The following PIP5K1B variants were observed in gnomAD, a reference collection of about 807,000 sequenced individuals.
The protein encoded by PIP5K1B is phosphatidylinositol-4-phosphate 5-kinase type 1 beta.
PIP5K1B carries 42 observed loss-of-function variants against 67.0 expected under a neutral mutation model. The observed-to-expected ratio is 0.63, with a 90% CI of 0.49 to 0.81. The LOEUF is 0.81. Among genes scored for constraint, PIP5K1B ranks in the 30% least tolerant of loss-of-function variants. The pLI is 0.00. For missense variants in PIP5K1B, 459 were observed against 646.3 expected (o/e 0.71, Z 3.14); for synonymous variants, 214 against 231.4 (o/e 0.92, Z 0.68).
intron 7 of PIP5K1B, among the ~76,000 whole-genome samples, chr9:68,891,218 C>A (rs1210053537): frequency 2.0e-5 from 3 of 152,190 alleles, no homozygotes; most frequent in Non-Finnish European, 4.4e-5. Context: ...CCACTGTACT[C>A]CAGCCTGGGA....
chr9:68,819,095 T>C (rs1015511951), intron 3 of PIP5K1B, among the ~76,000 whole-genome samples: 1 of 152,182 alleles, frequency 6.6e-6, no homozygotes, highest in African/African-American at 2.4e-5. Flanking sequence ...TCATTTTTAG[T>C]ACAGTTTAGT....
chr9:68,915,957 G>T lies in PIP5K1B; in HGVS notation c.772-1591G>T, dbSNP rs371883575. On this transcript the variant is annotated intron_variant, in intron 8 of 15. Coordinates refer to ENST00000265382, the MANE Select transcript of PIP5K1B (RefSeq NM_003558.4). ...TGGCATCCATGAAGTGGCAGCCACA[G>T]GTAACTGAATCTTCAGGCCTGATCC... 2.6e-4 allele frequency among the ~76,000 whole-genome samples: 40 copies of T among 152,320 alleles called. No individual in the cohort carries two copies. The East Asian group carries it at 6.6e-3, about 25-fold the overall frequency.
chr9:68,814,538 C>A (rs567640399), intron 2 of PIP5K1B, among the ~76,000 whole-genome samples: 1 of 151,982 alleles, frequency 6.6e-6, no homozygotes, highest in Non-Finnish European at 1.5e-5. Context: ...ATAATTTGGC[C>A]GGGCACGGTG....
At chr9:68,743,207 CTTT>C (rs113151542) in intron 2 of PIP5K1B, among the ~76,000 whole-genome samples, 1 of 137,622 alleles carries the variant, frequency 7.3e-6, no homozygotes. Context: ...AATACCAAAA[CTTT>C]TTTTTTTTTT....
Position 69,008,629 on chromosome 9 carries a change from G to A in PIP5K1B, c.*180G>A. The stretch of plus-strand genomic sequence containing the variant: ...CTTCAGGCTGATCAGCAGATGGGAT[G>A]TGAAAAATACTACCCTATTCTATCA... On this transcript the variant is annotated 3_prime_UTR_variant, in exon 16 of 16. Transcript: ENST00000265382. 1 of 653,890 alleles carries A rather than the reference G, an allele frequency of 1.5e-6. No individual in the cohort carries two copies. The highest frequency in any genetic ancestry group is 2.8e-6 in the Non-Finnish European group (1 of 351,646). The allele number at this position is 653,890 out of a possible 1,614,324, so 40.5% of individuals were successfully genotyped here. A position where few individuals can be genotyped will look rare whatever the true frequency, so the allele number is the denominator to read the frequency against.
At chr9:68,838,182 TTTTTTAACTA>T (rs1821731355) in intron 4 of PIP5K1B, among the ~76,000 whole-genome samples, 1 of 152,136 alleles carries the variant, frequency 6.6e-6, no homozygotes, top group Admixed American at 6.5e-5. Context: ...AACCTGTTTT[TTTTTTAACTA>T]TTCTACTCGG....
intron 4 of PIP5K1B, among the ~76,000 whole-genome samples, chr9:68,833,751 G>T (rs1834446848): frequency 6.6e-6 from 1 of 152,214 alleles, no homozygotes; most frequent in Admixed American, 6.5e-5. Flanking sequence ...TGGATGTGGG[G>T]GTGAGGGCAT....
At chr9:69,004,337 T>TTGTGTGTGTGTG (rs56680798) in intron 15 of PIP5K1B, among the ~76,000 whole-genome samples, 1 of 148,266 alleles carries the variant, frequency 6.7e-6, no homozygotes, top group Admixed American at 6.7e-5. Flanking sequence ...GTGTGTGTTT[T>TTGTGTGTGTGTG]TGTGTGTGTG....
At chr9:68,878,215 G>A (rs1338513227) in intron 6 of PIP5K1B, among the ~76,000 whole-genome samples, 1 of 152,100 alleles carries the variant, frequency 6.6e-6, no homozygotes, top group Non-Finnish European at 1.5e-5. Flanking sequence ...TTCTCTTTCT[G>A]AATTTCCTTG....
intron 14 of PIP5K1B, among the ~76,000 whole-genome samples, chr9:68,973,391 G>A (rs948164350): frequency 6.6e-6 from 1 of 152,148 alleles, no homozygotes; most frequent in Non-Finnish European, 1.5e-5. Context: ...ATAGGATTTA[G>A]ATATACCTAT....
At chr9:68,968,031 G>A (rs574527293) in intron 14 of PIP5K1B, among the ~76,000 whole-genome samples, 32 of 152,290 alleles carry the variant, frequency 2.1e-4, no homozygotes, top group African/African-American at 7.2e-4. Context: ...TGTATTAATA[G>A]TGTGAAGAAA....
intron 2 of PIP5K1B, among the ~76,000 whole-genome samples, chr9:68,799,307 C>T (rs1408081250): frequency 6.6e-6 from 1 of 152,142 alleles, no homozygotes; most frequent in East Asian, 1.9e-4. Flanking sequence ...TTTTAGGGTA[C>T]ACAACAGTTG....
At chr9:69,008,179 A>G (rs1399845799) in intron 15 of PIP5K1B, among the ~76,000 whole-genome samples, 1 of 152,158 alleles carries the variant, frequency 6.6e-6, no homozygotes, top group African/African-American at 2.4e-5. Context: ...TGTCTTAGTC[A>G]GTGTTGCTTC....
intron 1 of PIP5K1B, among the ~76,000 whole-genome samples, chr9:68,716,832 A>G (rs1827656756): frequency 6.6e-6 from 1 of 152,236 alleles, no homozygotes; most frequent in Non-Finnish European, 1.5e-5. Flanking sequence ...AAGACAAGGA[A>G]TCAACCTAGG....
Position 68,940,691 on chromosome 9 carries a change from C to G in PIP5K1B, c.1403C>G (p.Ser468Ter). Reference protein sequence around the residue: ...HRPDLVPSTPSLFEAASLATT... With the variant: ...HRPDLVPSTP ...CCAGACCTGGTCCCTAGCACTCCAT[C>G]ACTGTTTGAAGCTGCTTCCTTGGCA... Residue 468 changes from serine (S) to a stop codon, truncating the protein, a stop_gained, in exon 14 of 16, where the codon TCA becomes TGA. Transcript: ENST00000265382. LOFTEE classifies it high-confidence loss of function. 6.2e-7 allele frequency: 1 copy of G among 1,614,008 alleles called. No individual in the cohort carries two copies.
intron 2 of PIP5K1B, among the ~76,000 whole-genome samples, chr9:68,745,054 G>A (rs1277542400): frequency 5.9e-5 from 9 of 152,150 alleles, no homozygotes; most frequent in Non-Finnish European, 1.3e-4. Flanking sequence ...GGCAACTGTC[G>A]TTTCCTTTGG....
At chr9:68,967,447 G>T (rs1486972795) in intron 14 of PIP5K1B, among the ~76,000 whole-genome samples, 8 of 152,174 alleles carry the variant, frequency 5.3e-5, no homozygotes, top group Non-Finnish European at 1.2e-4. Context: ...AGAGTTCTCT[G>T]CTTACAAGCA....
rs1003307125 is a variant in PIP5K1B at position 68,942,180 on chromosome 9, T to C, written c.1502+1390T>C. ...TGTTTAAACCTGGTATGTAAATTAG[T>C]CAAGCAACGGCCTTTCCTGTCTGTT... On this transcript the variant is annotated intron_variant, in intron 14 of 15. Coordinates refer to ENST00000265382, the MANE Select transcript of PIP5K1B (RefSeq NM_003558.4). Among the ~76,000 whole-genome samples, 6 of 152,234 alleles carry C rather than the reference T, an allele frequency of 3.9e-5. 1 individual carries two copies. Among genetic ancestry groups the C allele is most frequent in the Admixed American group, 3.9e-4 (6 of 15,284 alleles).
At chr9:68,939,915 G>A (rs1587695893) in intron 13 of PIP5K1B, among the ~76,000 whole-genome samples, 1 of 152,180 alleles carries the variant, frequency 6.6e-6, no homozygotes, top group East Asian at 1.9e-4. Flanking sequence ...AGTCTTGGGG[G>A]AGTGATGGAA....
Sources: gnomAD v4.1 joint callset for allele counts (sites outside exome capture counted in the v4.1 genomes callset) on GRCh38, gnomAD v4.1.1 for gene constraint, MANE v1.5 for transcripts, NCBI Gene and HGNC (gene_info 2026-07-23, HGNC 2026-07-21) for gene names.